The following NUP155 variants were observed in gnomAD, a reference collection of about 807,000 sequenced individuals.
The protein encoded by NUP155 is nucleoporin 155.
In NUP155, 71 loss-of-function variants were observed where a neutral mutation model predicts 180.4. The ratio of observed to expected loss-of-function variants is 0.39; its 90% confidence interval spans 0.33 to 0.48. The LOEUF (loss-of-function observed/expected upper bound fraction) is 0.48. Ranked by LOEUF, NUP155 falls within the 20% of genes least tolerant of loss-of-function variation. The pLI is 0.91. For synonymous variants in NUP155, 582 were observed against 559.5 expected (o/e 1.04, Z -0.57); for missense variants, 1,553 against 1,648.9 (o/e 0.94, Z 1.01).
chr5:37,330,237 A>G lies in NUP155; in HGVS notation c.1630-105T>C, dbSNP rs16903584. ...AGTCTGTATCTAGCACAGAGCAGGC[A>G]TTCAATAAATACTTGCTGACTGAAT... On this transcript the variant is annotated intron_variant, in intron 14 of 34. Coordinates refer to ENST00000231498, the MANE Select transcript of NUP155 (RefSeq NM_153485.3). The G allele has an allele frequency of 0.042, 32,473 of 770,852 alleles. 6,393 individuals are homozygous for G. The African/African-American group carries it at 0.46, about 11-fold the overall frequency. 47.8% of individuals were successfully genotyped at this position (770,852 alleles called of 1,614,324 possible).
chr5:37,306,272 T>C (rs1743149132), intron 25 of NUP155, among the ~76,000 whole-genome samples: 1 of 151,776 alleles, frequency 6.6e-6, no homozygotes, highest in South Asian at 2.1e-4. Context: ...TGGTGACATG[T>C]GCCTGTAGTC....
chr5:37,308,315 G>A (rs542591943), intron 24 of NUP155, among the ~76,000 whole-genome samples: 2 of 152,296 alleles, frequency 1.3e-5, no homozygotes, highest in South Asian at 2.1e-4. Flanking sequence ...CACTTTGAGA[G>A]GCTGAGATGG....
chr5:37,292,530 T>C (rs905992284), intron 34 of NUP155, among the ~76,000 whole-genome samples: 4 of 152,050 alleles, frequency 2.6e-5, no homozygotes, highest in Non-Finnish European at 5.9e-5. Flanking sequence ...ATTTTTACAA[T>C]GAGAAGAAAG....
At chr5:37,351,092 A>T in intron 6 of NUP155, 98 bp downstream of exon 6, 2 of 953,590 alleles carry the variant, frequency 2.1e-6, no homozygotes, top group African/African-American at 1.7e-5. Context: ...CCATAAAAAT[A>T]TATTAATGTC....
chr5:37,369,149 G>A (rs1420830429), intron 1 of NUP155, among the ~76,000 whole-genome samples: 1 of 152,122 alleles, frequency 6.6e-6, no homozygotes, highest in African/African-American at 2.4e-5. Context: ...CTACTGGGGA[G>A]GGCAAGGCGG....
intron 34 of NUP155, 104 bp downstream of exon 34, chr5:37,292,775 A>G (rs1412631359): frequency 1.3e-6 from 1 of 745,346 alleles, no homozygotes; most frequent in Admixed American, 2.1e-5. Context: ...AGTTATTGCT[A>G]ATATACACAA....
chr5:37,352,780 T>C lies in NUP155; in HGVS notation c.513A>G (p.Val171=), dbSNP rs780451343. 1.2e-6 allele frequency: 2 copies of C among 1,613,688 alleles called. No homozygotes were observed. The part of the protein sequence containing the change: ...VRHLLVLATP[V]DIVILGLSYA... ...AGCTGAGTCCAAGAATTACTATGTCTACAGGGGTCGCCAAAACCAGGAGGT... is the reference window on the plus strand; with the variant it reads ...AGCTGAGTCCAAGAATTACTATGTCCACAGGGGTCGCCAAAACCAGGAGGT... The change falls in exon 5 of 35, where the codon GTA becomes GTG. Residue 171 remains valine, a synonymous_variant. Coordinates refer to ENST00000231498, the MANE Select transcript of NUP155 (RefSeq NM_153485.3).
intron 13 of NUP155, among the ~76,000 whole-genome samples, chr5:37,332,117 TAA>T: frequency 7.3e-6 from 1 of 137,582 alleles, no homozygotes; most frequent in East Asian, 2.1e-4. Context: ...ACCAGAGAAT[TAA>T]AGTTAGATTA....
chr5:37,364,354 A>G lies in NUP155; in HGVS notation c.188T>C (p.Met63Thr), dbSNP rs763400499. The G allele has an allele frequency of 7.4e-6, 12 of 1,611,706 alleles. No individual in the cohort carries two copies. Among genetic ancestry groups the G allele is most frequent in the African/African-American group, 1.3e-5 (1 of 75,000 alleles). Residue 63 changes from methionine to threonine, a missense_variant, in exon 2 of 35, where the codon ATG becomes ACG. Transcript: ENST00000231498. ...NNPTVSGMSDMDYPLQGPGLL... is the reference protein window; with the variant it reads ...NNPTVSGMSDTDYPLQGPGLL... ...ACCAGGTCCTTGCAAAGGATAATCC[A>G]TATCTGACATGCCAGAAACGGTGGG...
chr5:37,370,418 A>G (rs990532773), intron 1 of NUP155, among the ~76,000 whole-genome samples: 2 of 152,244 alleles, frequency 1.3e-5, no homozygotes, highest in Non-Finnish European at 2.9e-5. Context: ...CTTTAAGATA[A>G]CATGCTAAAT....
rs183171343 is a variant in NUP155, at chr5:37,339,596, C to A, written c.1246+1494G>T. On this transcript the variant is annotated intron_variant, in intron 11 of 34. Transcript: ENST00000231498. ...TGACCCAAGATCCTGCCACTGCACT[C>A]CAGCCTGGGCAACAGAGTGAGAACC... is the stretch of plus-strand genomic sequence containing the variant. Among the ~76,000 whole-genome samples, 13 of 152,262 alleles carry A rather than the reference C, an allele frequency of 8.5e-5. No individual in the cohort carries two copies. The East Asian group carries it at 2.5e-3, about 29-fold the overall frequency.
At chr5:37,330,000 A>G in intron 15 of NUP155, 38 bp downstream of exon 15, 2 of 1,458,340 alleles carry the variant, frequency 1.4e-6, no homozygotes, top group South Asian at 1.2e-5. Context: ...TGGCCCAGTA[A>G]AAAAACAAAT....
At chr5:37,340,711 C>T (rs1419728555) in intron 11 of NUP155, among the ~76,000 whole-genome samples, 1 of 152,180 alleles carries the variant, frequency 6.6e-6, no homozygotes, top group Non-Finnish European at 1.5e-5. Flanking sequence ...AAGTCAGATT[C>T]CTACTTCACA....
intron 13 of NUP155, among the ~76,000 whole-genome samples, chr5:37,333,005 T>C (rs915058872): frequency 5.3e-5 from 8 of 152,034 alleles, no homozygotes; most frequent in Non-Finnish European, 1.2e-4. Flanking sequence ...ACTGATAATT[T>C]TGACTAATTA....
chr5:37,325,256 A>G (rs976770230), intron 19 of NUP155, among the ~76,000 whole-genome samples: 5 of 152,160 alleles, frequency 3.3e-5, no homozygotes, highest in African/African-American at 7.2e-5. Flanking sequence ...TATATGTCAA[A>G]GTATTACATA....
At chr5:37,367,047 CTTT>C (rs113667703) in intron 1 of NUP155, among the ~76,000 whole-genome samples, 8 of 144,238 alleles carry the variant, frequency 5.5e-5, no homozygotes, top group Admixed American at 3.5e-4. Flanking sequence ...CTCTTTTTCT[CTTT>C]TTTTTTTTTT....
intron 21 of NUP155, among the ~76,000 whole-genome samples, chr5:37,314,756 C>T (rs942252065): frequency 1.6e-4 from 24 of 152,114 alleles, no homozygotes; most frequent in African/African-American, 5.5e-4. Context: ...AGGAGAATGG[C>T]GTGAACCCAG....
At chr5:37,310,392 G>A (rs1743450583) in intron 23 of NUP155, among the ~76,000 whole-genome samples, 160 bp downstream of exon 23, 2 of 152,110 alleles carry the variant, frequency 1.3e-5, no homozygotes, top group Non-Finnish European at 2.9e-5. Flanking sequence ...CTGGTTTTAA[G>A]AAGCCACATA....
intron 22 of NUP155, among the ~76,000 whole-genome samples, chr5:37,312,469 G>A (rs1335739951): frequency 6.6e-6 from 1 of 151,864 alleles, no homozygotes; most frequent in African/African-American, 2.4e-5. Flanking sequence ...AGAAAAAGAA[G>A]GAAAGACTGC....
Sources: allele counts gnomAD v4.1 joint callset (sites outside exome capture counted in the v4.1 genomes callset), GRCh38; gene constraint gnomAD v4.1.1; transcripts MANE v1.5; gene names NCBI Gene and HGNC (gene_info 2026-07-23, HGNC 2026-07-21).